The following MYO6 variants were observed in gnomAD, a reference collection of about 807,000 sequenced individuals.
MYO6 encodes unconventional myosin-VI.
In MYO6, 74 loss-of-function variants were observed where a neutral mutation model predicts 178.7. That is an observed-to-expected ratio of 0.41 (90% CI 0.34 to 0.50). The LOEUF (loss-of-function observed/expected upper bound fraction) is 0.50, where lower values mean the gene tolerates loss of function less well. MYO6 is among the 20% of genes least tolerant of loss of function. MYO6 has a pLI of 0.09. For missense variants in MYO6, 1,330 were observed against 1,547.4 expected, an observed-to-expected ratio of 0.86 and a Z score of 2.36; for synonymous variants, 477 against 504.6, an observed-to-expected ratio of 0.95 and a Z score of 0.73.
At position 75,781,593 on chromosome 6, in the gene MYO6, T is replaced by G. The variant is rs1766984988; in HGVS notation, c.-48+32170T>G. Among the ~76,000 whole-genome samples the G allele has an allele frequency of 3.9e-5, 6 of 151,988 alleles. No individual in the cohort carries two copies. The South Asian group carries it at 1.2e-3, about 31-fold the overall frequency. On this transcript the variant is annotated intron_variant, in intron 1 of 34. Coordinates refer to ENST00000369977, the MANE Select transcript of MYO6 (RefSeq NM_004999.4). ...TCAAGGTTGCATGTGTTTCCTCCAG[T>G]GTCATTTGGAGAAACTGTTTCTGTT...
chr6:75,788,333 C>A (rs1767885658), intron 1 of MYO6, among the ~76,000 whole-genome samples: 1 of 152,046 alleles, frequency 6.6e-6, no homozygotes, highest in South Asian at 2.1e-4. Context: ...CACTGCACTC[C>A]AGCCTGGGCA....
rs1381080798 is a variant in MYO6 at position 75,916,875 on chromosome 6, G to C, written c.*1863G>C. On this transcript the variant is annotated 3_prime_UTR_variant, in exon 35 of 35. Coordinates refer to ENST00000369977, the MANE Select transcript of MYO6 (RefSeq NM_004999.4). ...AAGAAATGTATCACAGCAAAGGGTTGTTATAAGTCCTTAGTTTTTGACTCT... is the reference window on the plus strand; with the variant it reads ...AAGAAATGTATCACAGCAAAGGGTTCTTATAAGTCCTTAGTTTTTGACTCT... The C allele has an allele frequency of 2.0e-5, 3 of 152,268 alleles. No homozygotes were observed. Among genetic ancestry groups the C allele is most frequent in the Middle Eastern group, 6.8e-3 (2 of 294 alleles). The allele number at this position is 152,268 out of a possible 1,614,324, so 9.4% of individuals were successfully genotyped here.
intron 26 of MYO6, among the ~76,000 whole-genome samples, chr6:75,890,601 T>C (rs1287264348): frequency 1.3e-5 from 2 of 152,186 alleles, no homozygotes; most frequent in Non-Finnish European, 2.9e-5. Flanking sequence ...CGCCTCGGCC[T>C]CCCAAAGCGC....
intron 32 of MYO6, among the ~76,000 whole-genome samples, chr6:75,909,986 A>G (rs1430296163): frequency 6.6e-6 from 1 of 152,216 alleles, no homozygotes; most frequent in African/African-American, 2.4e-5. Flanking sequence ...GGGTAATATT[A>G]GTGCCAGTTA....
intron 3 of MYO6, among the ~76,000 whole-genome samples, chr6:75,827,764 A>G (rs1772632019): frequency 6.6e-6 from 1 of 152,196 alleles, no homozygotes; most frequent in Non-Finnish European, 1.5e-5. Flanking sequence ...AGATTTGGAA[A>G]CTGGTTTAGA....
intron 9 of MYO6, among the ~76,000 whole-genome samples, chr6:75,844,412 G>A (rs986675084): frequency 1.3e-5 from 2 of 152,070 alleles, no homozygotes; most frequent in Admixed American, 6.6e-5. Flanking sequence ...AATGTGAAAA[G>A]CATGTTTTAA....
intron 1 of MYO6, among the ~76,000 whole-genome samples, chr6:75,752,342 A>G (rs896500938): frequency 6.6e-6 from 1 of 152,210 alleles, no homozygotes; most frequent in Non-Finnish European, 1.5e-5. Flanking sequence ...CTTTACTAGT[A>G]TAAGATTGTT....
chr6:75,840,399 G>A (rs796803250), intron 7 of MYO6, among the ~76,000 whole-genome samples, 186 bp from the exon 8 acceptor site: 19 of 152,108 alleles, frequency 1.2e-4, no homozygotes, highest in African/African-American at 3.9e-4. Flanking sequence ...CTGACCTCGT[G>A]ATCCACCTGC....
At chr6:75,851,828 C>A (rs960341767) in intron 11 of MYO6, among the ~76,000 whole-genome samples, 1 of 151,848 alleles carries the variant, frequency 6.6e-6, no homozygotes, top group Non-Finnish European at 1.5e-5. Context: ...GAGAGTGAGA[C>A]CCTGTCTCCA....
At chr6:75,757,457 A>C (rs1230240603) in intron 1 of MYO6, among the ~76,000 whole-genome samples, 7 of 151,180 alleles carry the variant, frequency 4.6e-5, no homozygotes, top group Non-Finnish European at 1.0e-4. Flanking sequence ...GACACATCAC[A>C]GAGGTGGGCG....
At chr6:75,909,356 T>G (rs1269413830) in intron 32 of MYO6, among the ~76,000 whole-genome samples, 2 of 152,230 alleles carry the variant, frequency 1.3e-5, no homozygotes, top group Non-Finnish European at 2.9e-5. Context: ...CATTGTCCAT[T>G]TACACTCTAA....
chr6:75,902,020 C>A (rs985107320), intron 30 of MYO6, among the ~76,000 whole-genome samples: 1 of 152,076 alleles, frequency 6.6e-6, no homozygotes, highest in Admixed American at 6.6e-5. Context: ...TATATGCTGG[C>A]TTACATTTAT....
At chr6:75,843,344 TTAAAAAG>T (rs1028389500) in intron 9 of MYO6, among the ~76,000 whole-genome samples, 50 of 152,308 alleles carry the variant, frequency 3.3e-4, no homozygotes, top group African/African-American at 1.1e-3. Flanking sequence ...CACATATACT[TTAAAAAG>T]TAAAAGGTTT....
chr6:75,907,704 T>C lies in MYO6; in HGVS notation c.3276T>C (p.Ser1092=). ...YAELRDTINT[S]CDIELLAACR... is the part of the protein sequence containing the mutation. Reference sequence around the variant, plus strand: ...AACTACGTGATACCATCAATACTTCTTGTGGTAAGTGTTTGGAGAAGATCA... The same window carrying C: ...AACTACGTGATACCATCAATACTTCCTGTGGTAAGTGTTTGGAGAAGATCA... The change falls in exon 31 of 35, where the codon TCT becomes TCC. Residue 1092 remains serine (S), a synonymous_variant. Coordinates refer to ENST00000369977, the MANE Select transcript of MYO6 (RefSeq NM_004999.4). 6.2e-7 allele frequency: 1 copy of C among 1,607,708 alleles called. No individual in the cohort carries two copies. The highest frequency in any genetic ancestry group is 8.5e-7 in the Non-Finnish European group (1 of 1,175,108).
chr6:75,870,717 A>G (rs1017254229), intron 19 of MYO6, 32 bp downstream of exon 19: 2 of 1,577,448 alleles, frequency 1.3e-6, no homozygotes, highest in Non-Finnish European at 8.7e-7. Flanking sequence ...ACAGGTTTTT[A>G]TGGGTCATCT....
At chr6:75,819,747 T>C (rs1312865618) in intron 2 of MYO6, among the ~76,000 whole-genome samples, 6 of 152,248 alleles carry the variant, frequency 3.9e-5, no homozygotes, top group African/African-American at 1.4e-4. Flanking sequence ...CTAATAACTT[T>C]TATTCTTTTA....
At chr6:75,864,095 A>G (rs911253013) in intron 16 of MYO6, among the ~76,000 whole-genome samples, 3 of 152,176 alleles carry the variant, frequency 2.0e-5, no homozygotes, top group African/African-American at 7.2e-5. Flanking sequence ...AACAACAAAC[A>G]GGAGAGTGAA....
At chr6:75,812,193 A>C (rs1471913076) in intron 1 of MYO6, among the ~76,000 whole-genome samples, 1 of 151,908 alleles carries the variant, frequency 6.6e-6, no homozygotes, top group East Asian at 1.9e-4. Context: ...TAATGTTTAA[A>C]ATTTTTGATT....
In MYO6 at chr6:75,892,740, A is replaced by C. The variant is rs568683630; in HGVS notation, c.3107+50A>C. 18 of 1,593,250 alleles carry C rather than the reference A, an allele frequency of 1.1e-5. No individual in the cohort carries two copies. In the South Asian group the frequency reaches 2.0e-4, roughly 18 times the overall value. On this transcript the variant is annotated intron_variant, in intron 28 of 34. Coordinates refer to ENST00000369977, the MANE Select transcript of MYO6 (RefSeq NM_004999.4). ...TAGCGCTCTCTCCTTTGCTTTCTCTACCTCTCTGCCTCTCATTTCCATGCA... is the reference window on the plus strand; with the variant it reads ...TAGCGCTCTCTCCTTTGCTTTCTCTCCCTCTCTGCCTCTCATTTCCATGCA...
Sources: gnomAD v4.1 joint callset for allele counts (sites outside exome capture counted in the v4.1 genomes callset) on GRCh38, gnomAD v4.1.1 for gene constraint, MANE v1.5 for transcripts, NCBI Gene and HGNC (gene_info 2026-07-23, HGNC 2026-07-21) for gene names.